BBS9: variants seen among roughly 807,000 people sequenced by gnomAD.
BBS9 encodes protein PTHB1.
A neutral mutation model predicts 117.7 loss-of-function variants in BBS9; 89 were observed. The ratio of observed to expected loss-of-function variants is 0.76; its 90% CI spans 0.64 to 0.90. The LOEUF is 0.90. Among genes scored for constraint, BBS9 ranks in the 40% least tolerant of loss-of-function variants. BBS9 has a pLI of 0.00. For missense variants in BBS9, 982 were observed against 1,042.2 expected (o/e 0.94, Z 0.80); for synonymous variants, 379 against 370.9 (o/e 1.02, Z -0.25).
chr7:33,173,207 G>C (rs1252089753), intron 4 of BBS9, among the ~76,000 whole-genome samples: 2 of 152,022 alleles, frequency 1.3e-5, no homozygotes, highest in Non-Finnish European at 2.9e-5. Context: ...TTTGCCTGAG[G>C]GCCTGCCTTT....
intron 18 of BBS9, among the ~76,000 whole-genome samples, chr7:33,384,753 T>C (rs2128750520): frequency 6.6e-6 from 1 of 151,488 alleles, no homozygotes. Flanking sequence ...TTACCAGTCA[T>C]ATAATTTTTC....
intron 5 of BBS9, among the ~76,000 whole-genome samples, chr7:33,202,650 A>G (rs1160402971): frequency 6.6e-6 from 1 of 152,042 alleles, no homozygotes; most frequent in Non-Finnish European, 1.5e-5. Flanking sequence ...GAGAAGGGAG[A>G]GGTGCTGTAC....
intron 9 of BBS9, among the ~76,000 whole-genome samples, chr7:33,275,332 C>G (rs985302530): frequency 6.6e-6 from 1 of 152,202 alleles, no homozygotes; most frequent in Non-Finnish European, 1.5e-5. Flanking sequence ...TTGGCTTTTG[C>G]AATGTCCATC....
intron 5 of BBS9, among the ~76,000 whole-genome samples, chr7:33,245,005 T>G (rs1278191950): frequency 6.6e-6 from 1 of 152,176 alleles, no homozygotes; most frequent in Non-Finnish European, 1.5e-5. Context: ...TCTCTTGTTT[T>G]GTATTGAAAA....
intron 19 of BBS9, among the ~76,000 whole-genome samples, chr7:33,428,105 C>A (rs1033535834): frequency 6.6e-6 from 1 of 152,058 alleles, no homozygotes; most frequent in Non-Finnish European, 1.5e-5. Context: ...CCAAACTAGA[C>A]ATTTTGGAGA....
intron 20 of BBS9, among the ~76,000 whole-genome samples, chr7:33,520,027 T>G (rs1848374870): frequency 6.6e-6 from 1 of 150,930 alleles, no homozygotes; most frequent in Non-Finnish European, 1.5e-5. Flanking sequence ...TTTTTTTTTT[T>G]GGATGGAGTC....
intron 4 of BBS9, among the ~76,000 whole-genome samples, chr7:33,172,694 A>C (rs1345652994): frequency 1.3e-5 from 2 of 152,158 alleles, no homozygotes; most frequent in African/African-American, 4.8e-5. Context: ...TACTTGTTTC[A>C]TTGCCCTAAG....
chr7:33,204,816 A>G (rs1786605420), intron 5 of BBS9, among the ~76,000 whole-genome samples: 1 of 152,216 alleles, frequency 6.6e-6, no homozygotes, highest in Non-Finnish European at 1.5e-5. Context: ...CTTAGCTGTA[A>G]CAGTCTCCAC....
Position 33,534,142 on chromosome 7 carries a change from C to T in BBS9, c.2487C>T (p.Thr829=), listed in dbSNP as rs746373450. The change falls in exon 21 of 23, where the codon ACC becomes ACT. Residue 829 remains threonine (T), a synonymous_variant. Coordinates refer to ENST00000242067, the MANE Select transcript of BBS9 (RefSeq NM_198428.3). ...LSKGGRLCLS[T]DAAAPQTMVM... ...AAGGTGGCCGTCTCTGCCTAAGTAC[C>T]GATGCAGCAGCCCCACAGACCATGG... 7.9e-5 allele frequency: 127 copies of T among 1,614,028 alleles called. No individual in the cohort carries two copies. The highest frequency in any genetic ancestry group is 9.4e-5 in the Non-Finnish European group (111 of 1,180,034).
intron 19 of BBS9, among the ~76,000 whole-genome samples, chr7:33,455,870 C>T (rs369041064): frequency 8.5e-5 from 13 of 152,116 alleles, no homozygotes; most frequent in African/African-American, 9.6e-5. Flanking sequence ...CATATTGTTA[C>T]GATATTAAAA....
chr7:33,600,401 T>G (rs898805298), intron 21 of BBS9, among the ~76,000 whole-genome samples: 1 of 53,576 alleles, frequency 1.9e-5, no homozygotes, highest in African/African-American at 7.5e-4. Flanking sequence ...AAAAGCAAGT[T>G]TTTTTTTTTT....
At chr7:33,429,217 C>G (rs1368619963) in intron 19 of BBS9, among the ~76,000 whole-genome samples, 2 of 151,590 alleles carry the variant, frequency 1.3e-5, no homozygotes, top group African/African-American at 4.8e-5. Flanking sequence ...GTTGCTATAT[C>G]TCCTTTTATT....
chr7:33,370,721 A>G (rs1487707750), intron 17 of BBS9, among the ~76,000 whole-genome samples: 1 of 152,178 alleles, frequency 6.6e-6, no homozygotes, highest in Non-Finnish European at 1.5e-5. Context: ...TAAGGTCCAG[A>G]TCCACATAGT....
intron 19 of BBS9, among the ~76,000 whole-genome samples, chr7:33,413,891 G>A (rs1584736585): frequency 6.6e-6 from 1 of 152,220 alleles, no homozygotes; most frequent in African/African-American, 2.4e-5. Context: ...GGGCATGGTG[G>A]TGCATGCCTG....
chr7:33,429,661 A>G (rs766534953), intron 19 of BBS9, among the ~76,000 whole-genome samples: 39 of 152,048 alleles, frequency 2.6e-4, no homozygotes, highest in Non-Finnish European at 2.5e-4. Flanking sequence ...ATTGAAAAAA[A>G]TAAATTTATT....
At chr7:33,303,162 G>T (rs1210060192) in intron 9 of BBS9, among the ~76,000 whole-genome samples, 3 of 152,052 alleles carry the variant, frequency 2.0e-5, no homozygotes, top group Admixed American at 6.5e-5. Context: ...CTAAGTTTTT[G>T]CTGGAGTCTT....
At chr7:33,398,179 G>A (rs150864832) in intron 19 of BBS9, among the ~76,000 whole-genome samples, 74 of 152,190 alleles carry the variant, frequency 4.9e-4, no homozygotes, top group African/African-American at 1.8e-3. Context: ...TTTATGTTAT[G>A]TGTGTTTTAC....
At chr7:33,394,355 A>T (rs1001672591) in intron 19 of BBS9, among the ~76,000 whole-genome samples, 2 of 152,116 alleles carry the variant, frequency 1.3e-5, no homozygotes, top group African/African-American at 4.8e-5. Context: ...ACTGGTGGGA[A>T]CACATGAAGA....
intron 5 of BBS9, among the ~76,000 whole-genome samples, chr7:33,195,779 T>C (rs1784840755): frequency 6.6e-6 from 1 of 152,196 alleles, no homozygotes. Context: ...ATTCTTCCAA[T>C]TTTTCTACTT....
Sources: gnomAD v4.1 joint callset for allele counts (sites outside exome capture counted in the v4.1 genomes callset) on GRCh38, gnomAD v4.1.1 for gene constraint, MANE v1.5 for transcripts, NCBI Gene and HGNC (gene_info 2026-07-23, HGNC 2026-07-21) for gene names.